The following OSGIN2 variants were observed in gnomAD, a reference collection of about 807,000 sequenced individuals.
OSGIN2 encodes oxidative stress-induced growth inhibitor 2.
In OSGIN2, 19 loss-of-function variants were observed where a neutral mutation model predicts 53.8. That is an observed-to-expected ratio of 0.35 (90% CI 0.25 to 0.52). The LOEUF (loss-of-function observed/expected upper bound fraction) is 0.52. Among genes scored for constraint, OSGIN2 ranks in the 20% least tolerant of loss-of-function variants. The probability of loss-of-function intolerance (pLI) is 0.95; values close to 1 mark genes in which losing one functional copy is unlikely to be tolerated. For missense variants in OSGIN2, 520 were observed against 662.7 expected (o/e 0.78, Z 2.36); for synonymous variants, 236 against 236.0 (o/e 1.00, Z 0.00).
intron 4 of OSGIN2, among the ~76,000 whole-genome samples, chr8:89,916,768 A>G (rs1301335933): frequency 6.6e-6 from 1 of 152,198 alleles, no homozygotes; most frequent in East Asian, 1.9e-4. Flanking sequence ...ATTCTGTCAG[A>G]TGCTGCTTCT....
intron 4 of OSGIN2, among the ~76,000 whole-genome samples, chr8:89,920,470 G>A (rs1300977821): frequency 6.6e-6 from 1 of 152,152 alleles, no homozygotes; most frequent in Non-Finnish European, 1.5e-5. Context: ...GAACAAAGCA[G>A]AAATAAGTAG....
Position 89,927,809 on chromosome 8 carries a change from G to GTTGA in OSGIN2, c.*2281_*2284dup, listed in dbSNP as rs777359951. On this transcript the variant is annotated 3_prime_UTR_variant, in exon 6 of 6. Transcript: ENST00000451899. ...TATATTTCTGTGGCATCAAATTTTA[G>GTTGA]TTGATTGTATTAGTCAATAGGAAGT... 3 of 152,170 alleles carry GTTGA rather than the reference G, an allele frequency of 2.0e-5. No individual in the cohort carries two copies. Among genetic ancestry groups the GTTGA allele is most frequent in the African/African-American group, 4.8e-5 (2 of 41,436 alleles). The allele number at this position is 152,170 out of a possible 1,614,324, so 9.4% of individuals were successfully genotyped here.
chr8:89,918,896 G>A (rs373250290), intron 4 of OSGIN2, among the ~76,000 whole-genome samples: 2 of 151,904 alleles, frequency 1.3e-5, no homozygotes, highest in East Asian at 3.9e-4. Context: ...GCTAATATTG[G>A]TCACCGCTGT....
At chr8:89,908,503 T>G (rs1301433377) in intron 1 of OSGIN2, among the ~76,000 whole-genome samples, 1 of 152,186 alleles carries the variant, frequency 6.6e-6, no homozygotes, top group East Asian at 1.9e-4. Flanking sequence ...GAGTTCAATC[T>G]TGTGAAATAA....
chr8:89,902,298 G>T (rs1808733381), upstream of OSGIN2, among the ~76,000 whole-genome samples: 1 of 152,196 alleles, frequency 6.6e-6, no homozygotes. Context: ...GCCTCACCAA[G>T]TCGCACGCAG....
chr8:89,920,022 A>C (rs542874398), intron 4 of OSGIN2, among the ~76,000 whole-genome samples: 1 of 152,326 alleles, frequency 6.6e-6, no homozygotes, highest in African/African-American at 2.4e-5. Flanking sequence ...AGTGGGAATA[A>C]TGTTAAAAAA....
Position 89,925,101 on chromosome 8 carries a change from C to G in OSGIN2, c.1219C>G (p.Gln407Glu), listed in dbSNP as rs1353680034. The G allele has an allele frequency of 1.2e-6, 2 of 1,612,896 alleles. No homozygotes were observed. Among genetic ancestry groups the G allele is most frequent in the Non-Finnish European group, 1.7e-6 (2 of 1,178,820 alleles). The change falls in exon 6 of 6, where the codon CAG (glutamine) becomes GAG (glutamate). Residue 407 changes from glutamine to glutamate, a missense_variant. Transcript: ENST00000451899. ...YHKVYHMMCTQSYSVDSNLLS... is the reference protein window; with the variant it reads ...YHKVYHMMCTESYSVDSNLLS... ...TAAAGTCTATCATATGATGTGTACTCAGTCATATTCTGTAGACTCAAATCT... is the reference window on the plus strand; with the variant it reads ...TAAAGTCTATCATATGATGTGTACTGAGTCATATTCTGTAGACTCAAATCT...
chr8:89,912,744 G>C (rs2735888), intron 2 of OSGIN2, among the ~76,000 whole-genome samples: 65,786 of 147,720 alleles, frequency 0.45, 17,020 homozygotes, highest in African/African-American at 0.73. Flanking sequence ...GACTCTGTCT[G>C]AAAAAAAAAA....
Position 89,926,372 on chromosome 8 carries a change from G to A in OSGIN2, c.*840G>A, listed in dbSNP as rs1205558959. The A allele has an allele frequency of 6.6e-6, 1 of 152,536 alleles. No homozygotes were observed. The highest frequency in any genetic ancestry group is 1.5e-5 in the Non-Finnish European group (1 of 68,006). The allele number at this position is 152,536 out of a possible 1,614,324, so 9.4% of individuals were successfully genotyped here. On this transcript the variant is annotated 3_prime_UTR_variant, in exon 6 of 6. Coordinates refer to ENST00000451899, the MANE Select transcript of OSGIN2 (RefSeq NM_001126111.3). ...TAGCATTTAATGAATCTGATTTGTAGTTCAATAAATTGTGGGTTGAACTAC... is the reference window on the plus strand; with the variant it reads ...TAGCATTTAATGAATCTGATTTGTAATTCAATAAATTGTGGGTTGAACTAC...
Position 89,925,479 on chromosome 8 carries a change from C to A in OSGIN2, c.1597C>A (p.Gln533Lys), listed in dbSNP as rs1809303603. The A allele has an allele frequency of 2.5e-6, 4 of 1,613,854 alleles. No homozygotes were observed. Among genetic ancestry groups the A allele is most frequent in the Admixed American group, 1.7e-5 (1 of 59,974 alleles). Residue 533 changes from glutamine (Q) to lysine (K), a missense_variant, in exon 6 of 6, where the codon CAG becomes AAG. Gln to Lys is a moderately conservative substitution (Grantham distance 53, BLOSUM62 1). Coordinates refer to ENST00000451899, the MANE Select transcript of OSGIN2 (RefSeq NM_001126111.3). ...LGVTRCLATR[Q>K]KKKHLFVERG... ...TGTTACACGCTGTTTAGCTACAAGA[C>A]AGAAGAAAAAGCATTTGTTTGTTGA...
intron 4 of OSGIN2, among the ~76,000 whole-genome samples, chr8:89,919,750 T>G (rs1809157955): frequency 1.3e-5 from 2 of 152,242 alleles, no homozygotes; most frequent in African/African-American, 4.8e-5. Flanking sequence ...CTCTCTTTAT[T>G]AAGCTGCCAC....
intron 2 of OSGIN2, among the ~76,000 whole-genome samples, chr8:89,912,577 C>G (rs1283359202): frequency 2.0e-5 from 3 of 152,030 alleles, no homozygotes; most frequent in South Asian, 4.2e-4. Context: ...GAAACCCCGT[C>G]TCTACTAAAA....
At chr8:89,903,978 T>C (rs1808784802) in intron 1 of OSGIN2, among the ~76,000 whole-genome samples, 1 of 152,214 alleles carries the variant, frequency 6.6e-6, no homozygotes, top group Non-Finnish European at 1.5e-5. Context: ...AGCGTCATCC[T>C]ATAGTAAAAG....
At chr8:89,915,798 A>G (rs1405884872) in intron 4 of OSGIN2, among the ~76,000 whole-genome samples, 4 of 152,222 alleles carry the variant, frequency 2.6e-5, no homozygotes, top group Non-Finnish European at 4.4e-5. Context: ...CGTTTATAAA[A>G]TGACTGTTTC....
In OSGIN2 at chr8:89,926,369, G is replaced by C. The variant is rs1809333071; in HGVS notation, c.*837G>C. 6.6e-6 allele frequency: 1 copy of C among 152,564 alleles called. No homozygotes were observed. Among genetic ancestry groups the C allele is most frequent in the African/African-American group, 2.4e-5 (1 of 41,434 alleles). 9.5% of individuals were successfully genotyped at this position (152,564 alleles called of 1,614,324 possible). A position where few individuals can be genotyped will look rare whatever the true frequency, so the allele number is the denominator to read the frequency against. On this transcript the variant is annotated 3_prime_UTR_variant, in exon 6 of 6. Coordinates refer to ENST00000451899, the MANE Select transcript of OSGIN2 (RefSeq NM_001126111.3). The stretch of plus-strand genomic sequence containing the variant: ...TCATAGCATTTAATGAATCTGATTT[G>C]TAGTTCAATAAATTGTGGGTTGAAC...
intron 1 of OSGIN2, among the ~76,000 whole-genome samples, chr8:89,903,500 G>A (rs1233862757): frequency 6.6e-6 from 1 of 152,208 alleles, no homozygotes; most frequent in Non-Finnish European, 1.5e-5. Context: ...GGTGAAGAAT[G>A]GTTAAGCATA....
At chr8:89,917,188 A>G (rs1408252719) in intron 4 of OSGIN2, among the ~76,000 whole-genome samples, 2 of 152,180 alleles carry the variant, frequency 1.3e-5, no homozygotes, top group Non-Finnish European at 2.9e-5. Context: ...CTTGATGATG[A>G]TGTATTCTTC....
Position 89,902,570 on chromosome 8 carries a change from C to T in OSGIN2, c.-224C>T, listed in dbSNP as rs1210597103. The stretch of plus-strand genomic sequence containing the variant: ...ATCGCGGCGCCCCGAGATCACCCGC[C>T]TCCGGCGCCTGGCTCCCTGCAGGCG... On this transcript the variant is annotated 5_prime_UTR_variant, in exon 1 of 6. Coordinates refer to ENST00000451899, the MANE Select transcript of OSGIN2 (RefSeq NM_001126111.3). The T allele has an allele frequency of 2.0e-5, 3 of 153,660 alleles. No individual in the cohort carries two copies. The highest frequency in any genetic ancestry group is 1.9e-4 in the East Asian group (1 of 5,238). The allele number at this position is 153,660 out of a possible 1,614,324, so 9.5% of individuals were successfully genotyped here.
Position 89,924,587 on chromosome 8 carries a change from TTTCAGAGAGAATAC to T in OSGIN2, c.708_721del (p.Phe236LeufsTer14), listed in dbSNP as rs1232676326. ...TAAAAGTCATGGGTCTTCAGAAGAA[TTTCAGAGAGAATAC>T]TTACATAACTTCCGTATCAAGACTC... On this transcript the variant is annotated frameshift_variant, in exon 6 of 6. Coordinates refer to ENST00000451899, the MANE Select transcript of OSGIN2 (RefSeq NM_001126111.3). LOFTEE classifies it high-confidence loss of function. 1.2e-6 allele frequency: 2 copies of T among 1,613,704 alleles called. No homozygotes were observed. The highest frequency in any genetic ancestry group is 2.7e-5 in the African/African-American group (2 of 74,910).
Sources: gnomAD v4.1 joint callset for allele counts (sites outside exome capture counted in the v4.1 genomes callset) on GRCh38, gnomAD v4.1.1 for gene constraint, MANE v1.5 for transcripts, NCBI Gene and HGNC (gene_info 2026-07-23, HGNC 2026-07-21) for gene names.